The following CACNA2D1 variants were observed in gnomAD, a reference collection of about 807,000 sequenced individuals.
The protein encoded by CACNA2D1 is calcium voltage-gated channel auxiliary subunit alpha2delta 1, also known as voltage-dependent calcium channel subunit alpha-2/delta-1.
Under a neutral mutation model 171.5 loss-of-function variants are expected in CACNA2D1, and 53 were observed. The observed-to-expected ratio is 0.31, with a 90% CI of 0.25 to 0.39. The LOEUF (loss-of-function observed/expected upper bound fraction) is 0.39, where lower values mean the gene tolerates loss of function less well. Ranked by LOEUF, CACNA2D1 falls within the 10% of genes least tolerant of loss-of-function variation. The probability of loss-of-function intolerance (pLI) is 1.00; values close to 1 mark genes in which losing one functional copy is unlikely to be tolerated. For synonymous variants in CACNA2D1, 442 were observed against 443.1 expected, an observed-to-expected ratio of 1.00 and a Z score of 0.03; for missense variants, 903 against 1,299.8, an observed-to-expected ratio of 0.69 and a Z score of 4.69.
intron 4 of CACNA2D1, among the ~76,000 whole-genome samples, chr7:82,152,783 T>C (rs143623465): frequency 6.6e-6 from 1 of 152,142 alleles, no homozygotes; most frequent in African/African-American, 2.4e-5. Flanking sequence ...ATTTCTGTTT[T>C]TCAAAACTGG....
intron 3 of CACNA2D1, among the ~76,000 whole-genome samples, chr7:82,249,675 C>A (rs1228826218): frequency 6.6e-6 from 1 of 152,206 alleles, no homozygotes; most frequent in Non-Finnish European, 1.5e-5. Context: ...AACCATCAAA[C>A]AATAATACTG....
intron 1 of CACNA2D1, among the ~76,000 whole-genome samples, chr7:82,410,878 T>G (rs893985358): frequency 6.6e-6 from 1 of 152,230 alleles, no homozygotes; most frequent in Non-Finnish European, 1.5e-5. Flanking sequence ...TTCATAATCA[T>G]AAAAGGAATC....
At chr7:82,114,737 G>C (rs1272049740) in intron 6 of CACNA2D1, among the ~76,000 whole-genome samples, 2 of 144,636 alleles carry the variant, frequency 1.4e-5, no homozygotes, top group Admixed American at 7.0e-5. Context: ...GCCTGGGCAA[G>C]GGAGTGAGAC....
chr7:82,102,965 T>C (rs1399132627), intron 6 of CACNA2D1, among the ~76,000 whole-genome samples: 1 of 152,132 alleles, frequency 6.6e-6, no homozygotes, highest in East Asian at 1.9e-4. Context: ...ATAACCTATA[T>C]ACTAGAAAAT....
In CACNA2D1 at chr7:82,143,867, A is replaced by C. The variant is rs145657659; in HGVS notation, c.355-7191T>G. ...ACACACCAGTAAATCAGGAGTTTCT[A>C]TGTTTTAAAAACTCTAACAAACATG... On this transcript the variant is annotated intron_variant, in intron 4 of 38. Coordinates refer to ENST00000356860, the MANE Select transcript of CACNA2D1 (RefSeq NM_000722.4). Among the ~76,000 whole-genome samples, 10 of 152,306 alleles carry C rather than the reference A, an allele frequency of 6.6e-5. No homozygotes were observed. In the East Asian group the frequency reaches 1.9e-3, roughly 29 times the overall value.
chr7:81,969,321 A>C (rs185692081), intron 28 of CACNA2D1, among the ~76,000 whole-genome samples: 1 of 151,556 alleles, frequency 6.6e-6, no homozygotes, highest in Admixed American at 6.6e-5. Flanking sequence ...GATGCATAAA[A>C]CTGACTTTGT....
chr7:82,301,850 T>C (rs1813049745), intron 3 of CACNA2D1, among the ~76,000 whole-genome samples: 1 of 151,730 alleles, frequency 6.6e-6, no homozygotes, highest in African/African-American at 2.4e-5. Context: ...CTCTGCCTTC[T>C]GGGTTCAAGA....
chr7:82,277,656 G>T (rs1809523084), intron 3 of CACNA2D1, among the ~76,000 whole-genome samples: 1 of 151,530 alleles, frequency 6.6e-6, no homozygotes, highest in South Asian at 2.1e-4. Context: ...GTTGTGTGAG[G>T]ATACACACAC....
chr7:82,137,688 A>G (rs930341134), intron 4 of CACNA2D1, among the ~76,000 whole-genome samples: 3 of 136,686 alleles, frequency 2.2e-5, no homozygotes, highest in African/African-American at 8.4e-5. Context: ...TGGCTAATAC[A>G]GTGAAACTCC....
chr7:82,049,628 C>T lies in CACNA2D1; in HGVS notation c.879+10800G>A, dbSNP rs147489967. ...TAAAAACCCCTGCACAGGAATCACC[C>T]GGGGGACTTTCCAAATGCAGATGTT... On this transcript the variant is annotated intron_variant, in intron 10 of 38. Transcript: ENST00000356860. Among the ~76,000 whole-genome samples, 23 of 152,248 alleles carry T rather than the reference C, an allele frequency of 1.5e-4. No homozygotes were observed. In the South Asian group the frequency reaches 2.9e-3, roughly 19 times the overall value.
At chr7:82,203,249 T>G (rs781198616) in intron 3 of CACNA2D1, among the ~76,000 whole-genome samples, 1 of 152,108 alleles carries the variant, frequency 6.6e-6, no homozygotes, top group Non-Finnish European at 1.5e-5. Flanking sequence ...CACGGATACA[T>G]TCTGGAAGTA....
At chr7:82,303,090 T>A (rs1384167345) in intron 3 of CACNA2D1, among the ~76,000 whole-genome samples, 1 of 152,010 alleles carries the variant, frequency 6.6e-6, no homozygotes, top group Non-Finnish European at 1.5e-5. Flanking sequence ...GCCTCCTGGG[T>A]TCATGCCATT....
intron 4 of CACNA2D1, among the ~76,000 whole-genome samples, chr7:82,150,839 G>T (rs961335508): frequency 6.6e-6 from 1 of 152,030 alleles, no homozygotes; most frequent in African/African-American, 2.4e-5. Flanking sequence ...CACAAAGAAA[G>T]GAAGGCTGTT....
intron 1 of CACNA2D1, among the ~76,000 whole-genome samples, chr7:82,353,493 A>C (rs1820078326): frequency 1.3e-5 from 2 of 152,140 alleles, no homozygotes; most frequent in African/African-American, 4.8e-5. Flanking sequence ...TGAAAGAGAA[A>C]TCTCCATAGA....
chr7:82,129,435 T>C (rs1045806344), intron 5 of CACNA2D1, among the ~76,000 whole-genome samples: 2 of 152,232 alleles, frequency 1.3e-5, no homozygotes, highest in African/African-American at 4.8e-5. Context: ...TTATTAACTT[T>C]GTTCCCACAT....
intron 3 of CACNA2D1, among the ~76,000 whole-genome samples, chr7:82,328,866 T>A (rs531488893): frequency 2.0e-4 from 30 of 152,262 alleles, no homozygotes; most frequent in Non-Finnish European, 4.0e-4. Context: ...TTCTATTGAA[T>A]CTATTCTCAC....
At position 82,218,825 on chromosome 7, in the gene CACNA2D1, C is replaced by T. The variant is rs528415576; in HGVS notation, c.295-48216G>A. On this transcript the variant is annotated intron_variant, in intron 3 of 38. Coordinates refer to ENST00000356860, the MANE Select transcript of CACNA2D1 (RefSeq NM_000722.4). ...TATTCCTTTATTACATTAAAACACA[C>T]TGATCTATCTACTCATGCATTAATT... 5.9e-5 allele frequency among the ~76,000 whole-genome samples: 9 copies of T among 152,212 alleles called. No individual in the cohort carries two copies. The East Asian group carries it at 1.7e-3, about 29-fold the overall frequency.
intron 1 of CACNA2D1, among the ~76,000 whole-genome samples, chr7:82,370,193 A>G (rs1482824790): frequency 6.6e-6 from 1 of 152,082 alleles, no homozygotes; most frequent in East Asian, 1.9e-4. Flanking sequence ...TTAATGTACT[A>G]GGACAAGAAA....
At chr7:82,283,630 G>A (rs1318748094) in intron 3 of CACNA2D1, among the ~76,000 whole-genome samples, 1 of 152,016 alleles carries the variant, frequency 6.6e-6, no homozygotes, top group Non-Finnish European at 1.5e-5. Context: ...ATGATAGGAG[G>A]AAGATTCTTA....
Sources: gnomAD v4.1 joint callset for allele counts (sites outside exome capture counted in the v4.1 genomes callset) on GRCh38, gnomAD v4.1.1 for gene constraint, MANE v1.5 for transcripts, NCBI Gene and HGNC (gene_info 2026-07-23, HGNC 2026-07-21) for gene names.